Variants in REV3L observed in about 807,000 individuals in gnomAD.
REV3L encodes DNA polymerase zeta catalytic subunit.
REV3L carries 69 observed loss-of-function variants against 299.4 expected under a neutral mutation model. That is an observed-to-expected ratio of 0.23 (90% CI 0.19 to 0.28). The LOEUF is 0.28. REV3L is among the 10% of genes least tolerant of loss of function. The probability of loss-of-function intolerance (pLI) is 1.00; values close to 1 mark genes in which losing one functional copy is unlikely to be tolerated. For missense variants in REV3L, 3,128 were observed against 3,693.8 expected (o/e 0.85, Z 3.97); for synonymous variants, 1,238 against 1,271.4 (o/e 0.97, Z 0.56).
chr6:111,437,776 G>A (rs1234287670), intron 1 of REV3L, among the ~76,000 whole-genome samples: 1 of 152,024 alleles, frequency 6.6e-6, no homozygotes, highest in Non-Finnish European at 1.5e-5. Context: ...GCTTATGGTT[G>A]CACAACTCTG....
At chr6:111,435,435 A>G (rs1326934679) in intron 1 of REV3L, among the ~76,000 whole-genome samples, 4 of 152,218 alleles carry the variant, frequency 2.6e-5, no homozygotes, top group African/African-American at 9.6e-5. Context: ...AAACCAAATC[A>G]GCATGCTATT....
Position 111,310,835 on chromosome 6 carries a change from A to G in REV3L, c.8795+234T>C, listed in dbSNP as rs1772894682. 3 of 399,274 alleles carry G rather than the reference A, an allele frequency of 7.5e-6. No individual in the cohort carries two copies. In the East Asian group the frequency reaches 1.1e-4, roughly 15 times the overall value. The allele number at this position is 399,274 out of a possible 1,614,324, so 24.7% of individuals were successfully genotyped here. Reference sequence around the variant, plus strand: ...TGATGTGGGAAAAACAAATGAATCAAGGACTGTGTCACAATTTCTTTGCAT... The same window carrying G: ...TGATGTGGGAAAAACAAATGAATCAGGGACTGTGTCACAATTTCTTTGCAT... On this transcript the variant is annotated intron_variant, in intron 29 of 31. Coordinates refer to ENST00000368802, the MANE Select transcript of REV3L (RefSeq NM_001372078.1).
rs778818718 is a variant in REV3L, at chr6:111,331,823, A to G, written c.7926-39T>C. On this transcript the variant is annotated intron_variant, in intron 23 of 31. Coordinates refer to ENST00000368802, the MANE Select transcript of REV3L (RefSeq NM_001372078.1). ...GAACATTAAGCAAATACTTCCTCAA[A>G]TCATAGAACAGAGATTTTACGCAAT... 9 of 1,259,868 alleles carry G rather than the reference A, an allele frequency of 7.1e-6. No individual in the cohort carries two copies. In the South Asian group the frequency reaches 1.1e-4, roughly 16 times the overall value. The allele number at this position is 1,259,868 out of a possible 1,614,324, so 78.0% of individuals were successfully genotyped here.
chr6:111,393,080 C>G (rs1181588753), intron 4 of REV3L, 108 bp from the exon 5 acceptor site: 2 of 661,824 alleles, frequency 3.0e-6, no homozygotes, highest in Non-Finnish European at 5.2e-6. Flanking sequence ...CTTTGTTGCC[C>G]AGGCTGGAGT....
intron 1 of REV3L, chr6:111,472,152 TTTAGA>T: frequency 7.9e-7 from 1 of 1,264,620 alleles, no homozygotes; most frequent in South Asian, 1.3e-5. Flanking sequence ...TGAAATGAAA[TTTAGA>T]TTAGTCATTT....
intron 21 of REV3L, among the ~76,000 whole-genome samples, chr6:111,339,303 A>T (rs543783111): frequency 6.0e-4 from 91 of 152,254 alleles, no homozygotes; most frequent in African/African-American, 2.1e-3. Context: ...AAAACTGAGG[A>T]TTACTGTAAG....
At chr6:111,330,282 C>T in intron 24 of REV3L, 2 of 454,700 alleles carry the variant, frequency 4.4e-6, no homozygotes, top group Non-Finnish European at 8.9e-6. Context: ...GACCACTAAG[C>T]CATCCCCTCC....
chr6:111,337,079 G>A (rs1775974733), intron 21 of REV3L, among the ~76,000 whole-genome samples: 1 of 151,524 alleles, frequency 6.6e-6, no homozygotes, highest in Non-Finnish European at 1.5e-5. Flanking sequence ...AGGGTGGGGG[G>A]ACTCTGGTGG....
intron 12 of REV3L, among the ~76,000 whole-genome samples, chr6:111,377,084 T>A (rs1204527214): frequency 6.6e-6 from 1 of 152,180 alleles, no homozygotes; most frequent in Non-Finnish European, 1.5e-5. Context: ...TCAAATAAAC[T>A]GAGCATATTT....
intron 31 of REV3L, 61 bp downstream of exon 31, chr6:111,307,300 A>T: frequency 7.2e-7 from 1 of 1,397,466 alleles, no homozygotes; most frequent in Non-Finnish European, 1.0e-6. Context: ...TTCAAGAGTG[A>T]CTATATCTTC....
chr6:111,361,395 A>C lies in REV3L; in HGVS notation c.6880-2381T>G, dbSNP rs1294551767. 5 of 137,796 alleles carry C rather than the reference A, an allele frequency of 3.6e-5. No individual in the cohort carries two copies. In the Admixed American group the frequency reaches 3.7e-4, roughly 10 times the overall value. The allele number at this position is 137,796 out of a possible 1,614,324, so 8.5% of individuals were successfully genotyped here. ...TGAGACTATGTCTCAAACAAAACAA[A>C]AAAAAACAAAAAACACACACACACA... On this transcript the variant is annotated intron_variant, in intron 16 of 31. Coordinates refer to ENST00000368802, the MANE Select transcript of REV3L (RefSeq NM_001372078.1).
chr6:111,334,249 T>TA (rs1432101241), intron 22 of REV3L, among the ~76,000 whole-genome samples: 1 of 152,190 alleles, frequency 6.6e-6, no homozygotes, highest in Non-Finnish European at 1.5e-5. Context: ...TCTTTGTATT[T>TA]AAATACAGCT....
At chr6:111,387,671 G>GA (rs770337464) in intron 9 of REV3L, 94 bp downstream of exon 9, 307 of 1,251,446 alleles carry the variant, frequency 2.5e-4, no homozygotes, top group Non-Finnish European at 3.0e-4. Flanking sequence ...ATTTCATAGG[G>GA]AAAAAAATCC....
intron 30 of REV3L, 111 bp from the exon 31 acceptor site, chr6:111,307,681 A>G: frequency 1.0e-6 from 1 of 963,438 alleles, no homozygotes; most frequent in Non-Finnish European, 1.6e-6. Flanking sequence ...TCATTCACTC[A>G]TTCAACAAAT....
chr6:111,417,389 T>C (rs1228544928), intron 1 of REV3L, among the ~76,000 whole-genome samples: 1 of 152,312 alleles, frequency 6.6e-6, no homozygotes, highest in East Asian at 1.9e-4. Context: ...CTCAGAGCAT[T>C]GTCCCTAGTT....
chr6:111,344,056 G>T lies in REV3L; in HGVS notation c.7420-13C>A. 1 of 1,536,304 alleles carries T rather than the reference G, an allele frequency of 6.5e-7. No individual in the cohort carries two copies. The highest frequency in any genetic ancestry group is 1.4e-5 in the African/African-American group (1 of 72,370). ...TAGTTAGAGCCACCTAAAAAAAAAGGCAAGACACCATTATAATAATGCTTA... is the reference window on the plus strand; with the variant it reads ...TAGTTAGAGCCACCTAAAAAAAAAGTCAAGACACCATTATAATAATGCTTA... On this transcript the variant is annotated splice_polypyrimidine_tract_variant and intron_variant, in intron 20 of 31. Coordinates refer to ENST00000368802, the MANE Select transcript of REV3L (RefSeq NM_001372078.1).
chr6:111,407,642 G>A (rs916220429), intron 3 of REV3L, among the ~76,000 whole-genome samples: 2 of 152,164 alleles, frequency 1.3e-5, no homozygotes, highest in African/African-American at 4.8e-5. Flanking sequence ...AAGTTAAAGA[G>A]TGAATGGGAA....
chr6:111,447,494 T>C (rs1031253838), intron 1 of REV3L, among the ~76,000 whole-genome samples: 1 of 152,240 alleles, frequency 6.6e-6, no homozygotes, highest in African/African-American at 2.4e-5. Context: ...AAGACCTGAT[T>C]AAAGATGGTT....
intron 1 of REV3L, among the ~76,000 whole-genome samples, chr6:111,437,600 A>T (rs1233645286): frequency 2.0e-5 from 3 of 152,026 alleles, no homozygotes; most frequent in Admixed American, 2.0e-4. Flanking sequence ...AAAAAATCAC[A>T]TATTATATGA....
Sources: allele counts gnomAD v4.1 joint callset (sites outside exome capture counted in the v4.1 genomes callset), GRCh38; gene constraint gnomAD v4.1.1; transcripts MANE v1.5; gene names NCBI Gene and HGNC (gene_info 2026-07-23, HGNC 2026-07-21).